Variants in CMC1 observed in about 807,000 individuals in gnomAD.
CMC1 encodes C-X9-C motif containing 1.
Under a neutral mutation model 14.1 loss-of-function variants are expected in CMC1, and 14 were observed. That is an observed-to-expected ratio of 0.99 (90% CI 0.66 to 1.55). The LOEUF (loss-of-function observed/expected upper bound fraction) is 1.55, where lower values mean the gene tolerates loss of function less well. Among genes scored for constraint, CMC1 ranks in the 40% most tolerant of loss-of-function variants. The pLI, the probability that CMC1 is intolerant of heterozygous loss-of-function variation, is 0.00. For missense variants in CMC1, 127 were observed against 123.8 expected, an observed-to-expected ratio of 1.03 and a Z score of -0.12; for synonymous variants, 50 against 38.4, an observed-to-expected ratio of 1.30 and a Z score of -1.12.
Position 28,241,693 on chromosome 3 carries a change from C to CG in CMC1, c.-96dup, listed in dbSNP as rs147949424. The CG allele has an allele frequency of 3.7e-3, 4,601 of 1,236,906 alleles. 131 individuals are homozygous for CG. In the African/African-American group the frequency reaches 0.062, roughly 17 times the overall value. 76.6% of individuals were successfully genotyped at this position (1,236,906 alleles called of 1,614,324 possible). A position where few individuals can be genotyped will look rare whatever the true frequency, so the allele number is the denominator to read the frequency against. On this transcript the variant is annotated 5_prime_UTR_variant, in exon 1 of 4. Transcript: ENST00000466830. The stretch of plus-strand genomic sequence containing the variant: ...CCGTGTTTCTGTTGCGGGAAGCTCC[C>CG]GGGGGTCGCACGTGCGTCCGAGCCC...
chr3:28,279,523 A>G (rs1453772564), intron 2 of CMC1, among the ~76,000 whole-genome samples: 1 of 151,794 alleles, frequency 6.6e-6, no homozygotes, highest in Non-Finnish European at 1.5e-5. Context: ...CTATTAGCAG[A>G]CAAGAATCTT....
At chr3:28,245,608 C>T (rs1377925985) in intron 1 of CMC1, among the ~76,000 whole-genome samples, 4 of 151,996 alleles carry the variant, frequency 2.6e-5, no homozygotes, top group African/African-American at 9.7e-5. Context: ...TTTCCGGGAA[C>T]TTAATAAAAG....
chr3:28,262,068 G>T (rs1481041301), intron 1 of CMC1, among the ~76,000 whole-genome samples: 1 of 152,112 alleles, frequency 6.6e-6, no homozygotes, highest in Non-Finnish European at 1.5e-5. Context: ...GTAGTTTAGA[G>T]ACTCTAGAAT....
intron 3 of CMC1, chr3:28,317,661 A>C (rs1405055223): frequency 6.6e-6 from 1 of 152,000 alleles, no homozygotes; most frequent in East Asian, 1.9e-4. Context: ...AGGAGTATAG[A>C]CTGCAGAGAG....
chr3:28,241,690 T>A lies in CMC1; in HGVS notation c.-104T>A. ...GGCCCGTGTTTCTGTTGCGGGAAGC[T>A]CCCGGGGGTCGCACGTGCGTCCGAG... On this transcript the variant is annotated 5_prime_UTR_variant, in exon 1 of 4. Transcript: ENST00000466830. 8.1e-7 allele frequency: 1 copy of A among 1,236,048 alleles called. No individual in the cohort carries two copies. Among genetic ancestry groups the A allele is most frequent in the Non-Finnish European group, 1.0e-6 (1 of 987,870 alleles). 76.6% of individuals were successfully genotyped at this position (1,236,048 alleles called of 1,614,324 possible).
At chr3:28,263,450 C>T (rs1699838387) in intron 2 of CMC1, 70 bp downstream of exon 2, 3 of 1,027,430 alleles carry the variant, frequency 2.9e-6, no homozygotes, top group Non-Finnish European at 2.9e-6. Flanking sequence ...AATCCTTAGC[C>T]CCAGAATCAA....
chr3:28,276,029 C>T (rs989888799), intron 2 of CMC1, among the ~76,000 whole-genome samples: 4 of 152,260 alleles, frequency 2.6e-5, no homozygotes, highest in Admixed American at 2.0e-4. Flanking sequence ...TCTGGGAGCT[C>T]GGTAGTGTTA....
At chr3:28,295,837 G>T (rs1701714098) in intron 2 of CMC1, among the ~76,000 whole-genome samples, 2 of 152,000 alleles carry the variant, frequency 1.3e-5, no homozygotes, top group Non-Finnish European at 2.9e-5. Flanking sequence ...TTTTTTATCT[G>T]TGTTTGGCTG....
intron 2 of CMC1, among the ~76,000 whole-genome samples, chr3:28,274,212 G>GTTTTTTTTTTTTTTTTTTGTTTTTT (rs376321066): frequency 1.1e-5 from 1 of 88,200 alleles, no homozygotes; most frequent in African/African-American, 4.8e-5. Flanking sequence ...AAGTGTTTTT[G>GTTTTTTTTTTTTTTTTTTGTTTTTT]TTTTTTTCTT....
At chr3:28,295,534 T>C (rs189395734) in intron 2 of CMC1, among the ~76,000 whole-genome samples, 6 of 152,216 alleles carry the variant, frequency 3.9e-5, no homozygotes, top group Admixed American at 2.0e-4. Context: ...TGTAACCTAC[T>C]AGGTCCTTCC....
chr3:28,323,988 G>A lies in CMC1; in HGVS notation c.*4359G>A. 6.7e-7 allele frequency: 1 copy of A among 1,502,184 alleles called. No individual in the cohort carries two copies. Among genetic ancestry groups the A allele is most frequent in the South Asian group, 1.3e-5 (1 of 76,874 alleles). The allele number at this position is 1,502,184 out of a possible 1,614,324, so 93.1% of individuals were successfully genotyped here. Reference sequence around the variant, plus strand: ...CAGTTTGTTAAATAATTTCTTGGGAGGACCACTGAAAGAGATAAGTGTCCT... The same window carrying A: ...CAGTTTGTTAAATAATTTCTTGGGAAGACCACTGAAAGAGATAAGTGTCCT... On this transcript the variant is annotated 3_prime_UTR_variant, in exon 4 of 4. Coordinates refer to ENST00000466830, the MANE Select transcript of CMC1 (RefSeq NM_182523.2).
chr3:28,318,073 G>C (rs888404340), intron 3 of CMC1: 2 of 151,812 alleles, frequency 1.3e-5, no homozygotes, highest in African/African-American at 4.8e-5. Context: ...TGAGTCCCCA[G>C]ATACACTAAG....
rs1179338431 is a variant in CMC1 at position 28,321,234 on chromosome 3, G to C, written c.*1605G>C. 1 of 151,186 alleles carries C rather than the reference G, an allele frequency of 6.6e-6. No individual in the cohort carries two copies. Among genetic ancestry groups the C allele is most frequent in the African/African-American group, 2.4e-5 (1 of 41,286 alleles). 9.4% of individuals were successfully genotyped at this position (151,186 alleles called of 1,614,324 possible). On this transcript the variant is annotated 3_prime_UTR_variant, in exon 4 of 4. Transcript: ENST00000466830. ...TGCCCATATTTCCACATTGACCTTTGGTATTGGTGCATTTCCTAGAGCACA... is the reference window on the plus strand; with the variant it reads ...TGCCCATATTTCCACATTGACCTTTCGTATTGGTGCATTTCCTAGAGCACA...
chr3:28,291,485 AC>A (rs1185528496), intron 2 of CMC1, among the ~76,000 whole-genome samples: 1 of 152,102 alleles, frequency 6.6e-6, no homozygotes, highest in Non-Finnish European at 1.5e-5. Context: ...TAGCACTGTT[AC>A]AGATTTGTTT....
chr3:28,313,608 A>G (rs1702748946), intron 2 of CMC1, among the ~76,000 whole-genome samples: 1 of 152,224 alleles, frequency 6.6e-6, no homozygotes, highest in Non-Finnish European at 1.5e-5. Flanking sequence ...TTGTTGCTAA[A>G]CAAGTGACAA....
chr3:28,310,786 T>C (rs1702596910), intron 2 of CMC1, among the ~76,000 whole-genome samples: 1 of 152,212 alleles, frequency 6.6e-6, no homozygotes, highest in South Asian at 2.1e-4. Flanking sequence ...GGATCAATTT[T>C]GTGGAAGACA....
At chr3:28,300,681 C>CCCTTTCCCTCCCTTTCCCT (rs1234515196) in intron 2 of CMC1, among the ~76,000 whole-genome samples, 1 of 124,884 alleles carries the variant, frequency 8.0e-6, no homozygotes, top group African/African-American at 3.0e-5. Flanking sequence ...CCCTTTCCCT[C>CCCTTTCCCTCCCTTTCCCT]CCTTTCCCTC....
At chr3:28,314,348 T>C (rs1334651143) in intron 2 of CMC1, among the ~76,000 whole-genome samples, 3 of 152,230 alleles carry the variant, frequency 2.0e-5, no homozygotes, top group Admixed American at 2.0e-4. Context: ...GCTTTGCCTT[T>C]TGAGTGTTAG....
chr3:28,288,444 A>G (rs189280514), intron 2 of CMC1, among the ~76,000 whole-genome samples: 1 of 152,190 alleles, frequency 6.6e-6, no homozygotes, highest in East Asian at 1.9e-4. Flanking sequence ...ATTCATTTTT[A>G]CATTGACTTA....
Sources: gnomAD v4.1 joint callset for allele counts (sites outside exome capture counted in the v4.1 genomes callset) on GRCh38, gnomAD v4.1.1 for gene constraint, MANE v1.5 for transcripts, NCBI Gene and HGNC (gene_info 2026-07-23, HGNC 2026-07-21) for gene names.